The following FARP1 variants were observed in gnomAD, a reference collection of about 807,000 sequenced individuals.
FARP1 encodes FERM, ARHGEF and pleckstrin domain-containing protein 1.
A neutral mutation model predicts 128.8 loss-of-function variants in FARP1; 52 were observed. That is an observed-to-expected ratio of 0.40 (90% confidence interval 0.32 to 0.51). FARP1 has a LOEUF of 0.51. Ranked by LOEUF, FARP1 falls within the 20% of genes least tolerant of loss-of-function variation. FARP1 has a pLI of 0.45. For synonymous variants in FARP1, 580 were observed against 551.8 expected, an observed-to-expected ratio of 1.05 and a Z score of -0.72; for missense variants, 1,333 against 1,367.9, an observed-to-expected ratio of 0.97 and a Z score of 0.40.
chr13:98,201,870 T>C (rs755935206), intron 1 of FARP1, among the ~76,000 whole-genome samples: 1 of 152,328 alleles, frequency 6.6e-6, no homozygotes, highest in Non-Finnish European at 1.5e-5. Flanking sequence ...GAAATAGGGG[T>C]ACCCTGCTCG....
At chr13:98,194,139 G>A (rs991162050) in intron 1 of FARP1, among the ~76,000 whole-genome samples, 3 of 151,438 alleles carry the variant, frequency 2.0e-5, no homozygotes, top group Non-Finnish European at 2.9e-5. Context: ...TTTTTGAGAC[G>A]AAGTTTTGCT....
At chr13:98,429,294 G>A (rs1891921897) in intron 17 of FARP1, among the ~76,000 whole-genome samples, 1 of 152,202 alleles carries the variant, frequency 6.6e-6, no homozygotes, top group Non-Finnish European at 1.5e-5. Context: ...CTCTGGGTGC[G>A]AGAGTGTGCC....
intron 2 of FARP1, among the ~76,000 whole-genome samples, chr13:98,273,422 C>T (rs1249314670): frequency 6.6e-6 from 1 of 152,138 alleles, no homozygotes; most frequent in African/African-American, 2.4e-5. Flanking sequence ...TCAGTTGTGC[C>T]TAAACTCCAA....
At chr13:98,171,633 G>T (rs1369266184) in intron 1 of FARP1, among the ~76,000 whole-genome samples, 1 of 152,070 alleles carries the variant, frequency 6.6e-6, no homozygotes, top group East Asian at 1.9e-4. Flanking sequence ...TTTTACCAAG[G>T]TATAACATAA....
chr13:98,220,986 T>G (rs543059862), intron 2 of FARP1, among the ~76,000 whole-genome samples: 46 of 152,342 alleles, frequency 3.0e-4, no homozygotes, highest in South Asian at 6.2e-4. Context: ...TTTTTCTCTT[T>G]TAAGTGGAAA....
chr13:98,336,432 G>A (rs1887747605), intron 2 of FARP1, among the ~76,000 whole-genome samples: 1 of 152,096 alleles, frequency 6.6e-6, no homozygotes, highest in Non-Finnish European at 1.5e-5. Flanking sequence ...ACCACGCCCA[G>A]ATAATTTTTT....
chr13:98,238,849 T>G (rs79697873), intron 2 of FARP1, among the ~76,000 whole-genome samples: 9,329 of 152,134 alleles, frequency 0.061, 937 homozygotes, highest in African/African-American at 0.21. Flanking sequence ...AGTTAATTTT[T>G]GGGGGAGTCA....
intron 2 of FARP1, among the ~76,000 whole-genome samples, chr13:98,281,801 G>T (rs1429398725): frequency 6.6e-6 from 1 of 152,104 alleles, no homozygotes; most frequent in Non-Finnish European, 1.5e-5. Flanking sequence ...CTTGATTCTG[G>T]TTAATAGTAA....
intron 2 of FARP1, chr13:98,245,290 T>A: frequency 1.0e-6 from 1 of 985,488 alleles, no homozygotes; most frequent in Non-Finnish European, 1.2e-6. Context: ...GCGAATAAAG[T>A]CAGATCTACT....
intron 2 of FARP1, among the ~76,000 whole-genome samples, chr13:98,252,243 A>G (rs1007715802): frequency 5.3e-5 from 8 of 152,186 alleles, no homozygotes; most frequent in South Asian, 2.1e-4. Flanking sequence ...GAATTTTTCA[A>G]AATGCCCATT....
chr13:98,184,327 A>G (rs1349629140), intron 1 of FARP1, among the ~76,000 whole-genome samples: 3 of 152,132 alleles, frequency 2.0e-5, no homozygotes, highest in Non-Finnish European at 4.4e-5. Context: ...CGTGTTGGCC[A>G]GGCTGCTTTC....
rs377398427 is a variant in FARP1, at chr13:98,382,733, G to GT, written c.497-1987dup. Among the ~76,000 whole-genome samples the GT allele has an allele frequency of 3.4e-3, 510 of 149,438 alleles. 2 individuals carry two copies. The highest frequency in any genetic ancestry group is 0.014 in the Middle Eastern group (4 of 294). ...CAAACGAGGCAAAGCTCTGCCTTCT[G>GT]TTTTTTTTTTCTCGTACTGTTAATA... On this transcript the variant is annotated intron_variant, in intron 6 of 26. Coordinates refer to ENST00000319562, the MANE Select transcript of FARP1 (RefSeq NM_005766.4).
At chr13:98,275,148 T>G (rs1309387375) in intron 2 of FARP1, among the ~76,000 whole-genome samples, 1 of 152,208 alleles carries the variant, frequency 6.6e-6, no homozygotes. Flanking sequence ...TTTGGTTTTC[T>G]GTATGTGATT....
chr13:98,214,553 C>T (rs1390452639), intron 2 of FARP1, among the ~76,000 whole-genome samples: 1 of 152,050 alleles, frequency 6.6e-6, no homozygotes, highest in Non-Finnish European at 1.5e-5. Context: ...CGTTGGTAAC[C>T]CATCATTTAA....
rs1321306837 is a variant in FARP1 at position 98,390,839 on chromosome 13, CTA to C, written c.1049_1050del (p.Tyr350CysfsTer2). 6.2e-7 allele frequency: 1 copy of C among 1,613,598 alleles called. No individual in the cohort carries two copies. Among genetic ancestry groups the C allele is most frequent in the Admixed American group, 1.7e-5 (1 of 59,996 alleles). ...SGRTQKQVLD[Y>X]VKEGGHKKVQ... ...GTCGGACTCAGAAGCAGGTTCTCGA[CTA>C]TGTTAAAGAAGGAGGACATAAGAAG... On this transcript the variant is annotated frameshift_variant, in exon 11 of 27. Transcript: ENST00000319562. LOFTEE classifies it high-confidence loss of function.
chr13:98,312,834 C>G (rs1886538536), intron 2 of FARP1, among the ~76,000 whole-genome samples: 2 of 152,160 alleles, frequency 1.3e-5, no homozygotes, highest in Admixed American at 1.3e-4. Context: ...TCTCCCTCAG[C>G]TGGGCTCACT....
At chr13:98,341,525 G>A (rs139653814) in intron 2 of FARP1, among the ~76,000 whole-genome samples, 1,902 of 152,226 alleles carry the variant, frequency 0.012, 39 homozygotes, top group African/African-American at 0.044. Context: ...CCAGCTACCT[G>A]GGAAGCTGAG....
At chr13:98,157,387 C>A (rs1452616008) in intron 1 of FARP1, among the ~76,000 whole-genome samples, 1 of 151,980 alleles carries the variant, frequency 6.6e-6, no homozygotes, top group Non-Finnish European at 1.5e-5. Context: ...TCTGTCACAT[C>A]TTCCCATCTG....
intron 3 of FARP1, among the ~76,000 whole-genome samples, chr13:98,349,144 G>C (rs1486940274): frequency 6.6e-6 from 1 of 152,132 alleles, no homozygotes; most frequent in Admixed American, 6.5e-5. Flanking sequence ...TTAAACATTC[G>C]CTTTGTCATT....
Sources: gnomAD v4.1 joint callset for allele counts (sites outside exome capture counted in the v4.1 genomes callset) on GRCh38, gnomAD v4.1.1 for gene constraint, MANE v1.5 for transcripts, NCBI Gene and HGNC (gene_info 2026-07-23, HGNC 2026-07-21) for gene names.